The following TCF12 variants were observed in gnomAD, a reference collection of about 807,000 sequenced individuals.
TCF12 encodes DNA-binding protein HTF4.
TCF12 carries 45 observed loss-of-function variants against 86.0 expected under a neutral mutation model. The ratio of observed to expected loss-of-function variants is 0.52; its 90% CI spans 0.41 to 0.67. The LOEUF (loss-of-function observed/expected upper bound fraction) is 0.67, where lower values mean the gene tolerates loss of function less well. TCF12 is among the 30% of genes least tolerant of loss of function. The pLI, the probability that TCF12 is intolerant of heterozygous loss-of-function variation, is 0.00. For missense variants in TCF12, 881 were observed against 859.9 expected (o/e 1.02, Z -0.31); for synonymous variants, 330 against 299.6 (o/e 1.10, Z -1.05).
chr15:57,105,488 C>T (rs571628071), intron 5 of TCF12, among the ~76,000 whole-genome samples: 1 of 152,170 alleles, frequency 6.6e-6, no homozygotes, highest in African/African-American at 2.4e-5. Flanking sequence ...GATTTTTGCT[C>T]ACTGCAATCT....
intron 3 of TCF12, among the ~76,000 whole-genome samples, chr15:56,941,373 ATTT>A (rs34543266): frequency 5.6e-5 from 8 of 143,146 alleles, no homozygotes; most frequent in African/African-American, 1.5e-4. Flanking sequence ...TCTCAAAAAA[ATTT>A]TTTTTTTTTT....
At chr15:57,273,627 C>T (rs528924572) in intron 19 of TCF12, among the ~76,000 whole-genome samples, 1 of 152,106 alleles carries the variant, frequency 6.6e-6, no homozygotes, top group Admixed American at 6.5e-5. Context: ...GTCTTTCCTA[C>T]TTCTCTGTAT....
chr15:57,240,486 T>C (rs567939312), intron 12 of TCF12, among the ~76,000 whole-genome samples: 2 of 152,316 alleles, frequency 1.3e-5, no homozygotes, highest in East Asian at 3.9e-4. Context: ...CTTGCCAATA[T>C]TGTAGTCAAG....
chr15:57,204,009 C>A (rs1490272175), intron 8 of TCF12, among the ~76,000 whole-genome samples: 1 of 151,480 alleles, frequency 6.6e-6, no homozygotes, highest in Non-Finnish European at 1.5e-5. Flanking sequence ...TAAAAATTTG[C>A]TAGCTCTTCT....
intron 3 of TCF12, among the ~76,000 whole-genome samples, chr15:56,991,812 A>G (rs2063472993): frequency 6.6e-6 from 1 of 152,200 alleles, no homozygotes; most frequent in African/African-American, 2.4e-5. Flanking sequence ...ATTTAGGGAA[A>G]TAATTATCAT....
intron 5 of TCF12, among the ~76,000 whole-genome samples, chr15:57,111,584 A>G (rs943404334): frequency 8.1e-6 from 1 of 123,828 alleles, no homozygotes; most frequent in Non-Finnish European, 1.7e-5. Flanking sequence ...TGGTTTGTTT[A>G]TCTTTTTTTT....
intron 5 of TCF12, among the ~76,000 whole-genome samples, chr15:57,148,411 T>TA (rs71113069): frequency 0.51 from 73,299 of 144,712 alleles, 19,444 homozygotes; most frequent in Non-Finnish European, 0.59. Flanking sequence ...AGACTTTGTT[T>TA]AAAAAAAAAA....
chr15:57,245,078 A>C (rs1186846972), intron 13 of TCF12, among the ~76,000 whole-genome samples: 1 of 152,214 alleles, frequency 6.6e-6, no homozygotes, highest in Non-Finnish European at 1.5e-5. Context: ...TTGGGGAAAT[A>C]ATTCTGTTTT....
intron 3 of TCF12, among the ~76,000 whole-genome samples, chr15:56,988,803 C>T (rs2063314209): frequency 6.6e-6 from 1 of 152,048 alleles, no homozygotes. Context: ...AGGGCCTTTT[C>T]TTATTTATGG....
chr15:57,082,421 A>C (rs2048371944), intron 4 of TCF12, among the ~76,000 whole-genome samples: 1 of 141,284 alleles, frequency 7.1e-6, no homozygotes. Flanking sequence ...ACTTTATAGA[A>C]ACTTAAGATG....
At chr15:57,154,030 G>A (rs1222422496) in intron 5 of TCF12, among the ~76,000 whole-genome samples, 1 of 151,630 alleles carries the variant, frequency 6.6e-6, no homozygotes, top group Non-Finnish European at 1.5e-5. Context: ...AAAGAAGTTT[G>A]AGAAAGATAA....
At chr15:57,008,225 A>C (rs1202659403) in intron 3 of TCF12, among the ~76,000 whole-genome samples, 1 of 149,202 alleles carries the variant, frequency 6.7e-6, no homozygotes, top group African/African-American at 2.5e-5. Context: ...TCCTCCCTCC[A>C]TTTCCTCCCA....
At chr15:57,180,373 A>G (rs193166005) in intron 6 of TCF12, among the ~76,000 whole-genome samples, 200 of 152,282 alleles carry the variant, frequency 1.3e-3, no homozygotes, top group Non-Finnish European at 2.6e-3. Context: ...ACAACTGCAA[A>G]TATGGTAATA....
chr15:56,918,228 G>A (rs1411665787), upstream of TCF12: 4 of 456,172 alleles, frequency 8.8e-6, no homozygotes, highest in Non-Finnish European at 1.8e-5. Context: ...AGCCTTCAGT[G>A]TCCTGCGGCC....
At chr15:57,014,507 A>G (rs2065031088) in intron 3 of TCF12, among the ~76,000 whole-genome samples, 1 of 152,174 alleles carries the variant, frequency 6.6e-6, no homozygotes, top group Non-Finnish European at 1.5e-5. Flanking sequence ...CTATCCCCAG[A>G]GAGGGAACAT....
intron 5 of TCF12, among the ~76,000 whole-genome samples, chr15:57,128,426 C>T (rs573837919): frequency 2.3e-3 from 347 of 152,304 alleles, no homozygotes; most frequent in African/African-American, 8.0e-3. Flanking sequence ...CTTCATAACA[C>T]TATGTGAGAA....
At chr15:57,052,023 A>C (rs1291156661) in intron 3 of TCF12, among the ~76,000 whole-genome samples, 1 of 152,198 alleles carries the variant, frequency 6.6e-6, no homozygotes, top group Non-Finnish European at 1.5e-5. Flanking sequence ...TGTCTGGACC[A>C]TACTGTTTTA....
intron 3 of TCF12, among the ~76,000 whole-genome samples, chr15:57,018,546 T>C (rs2065284664): frequency 6.6e-6 from 1 of 152,076 alleles, no homozygotes; most frequent in Non-Finnish European, 1.5e-5. Flanking sequence ...CACCGCAACA[T>C]GTGCTTCTCG....
intron 3 of TCF12, among the ~76,000 whole-genome samples, chr15:57,006,137 CTT>C (rs1273141362): frequency 1.3e-5 from 2 of 152,062 alleles, no homozygotes; most frequent in Admixed American, 6.5e-5. Flanking sequence ...ACTGAACACT[CTT>C]TTATGATTTT....
Sources: gnomAD v4.1 joint callset for allele counts (sites outside exome capture counted in the v4.1 genomes callset) on GRCh38, gnomAD v4.1.1 for gene constraint, MANE v1.5 for transcripts, NCBI Gene and HGNC (gene_info 2026-07-23, HGNC 2026-07-21) for gene names.